The following LRCH1 variants were observed in gnomAD, a reference collection of about 807,000 sequenced individuals.
The protein encoded by LRCH1 is leucine rich repeats and calponin homology domain containing 1, also known as leucine-rich repeat and calponin homology domain-containing protein 1.
A neutral mutation model predicts 94.9 loss-of-function variants in LRCH1; 23 were observed. The ratio of observed to expected loss-of-function variants is 0.24; its 90% CI spans 0.17 to 0.34. The LOEUF is 0.34. LRCH1 is among the 10% of genes least tolerant of loss of function. The pLI, the probability that LRCH1 is intolerant of heterozygous loss-of-function variation, is 1.00. For synonymous variants in LRCH1, 364 were observed against 354.9 expected (o/e 1.03, Z -0.29); for missense variants, 790 against 945.9 (o/e 0.84, Z 2.16).
At chr13:46,581,574 C>T (rs529113223) in intron 1 of LRCH1, among the ~76,000 whole-genome samples, 1 of 152,336 alleles carries the variant, frequency 6.6e-6, no homozygotes, top group African/African-American at 2.4e-5. Flanking sequence ...AGACAAAGGT[C>T]TGACATTCTC....
At chr13:46,578,119 G>A (rs2137934004) in intron 1 of LRCH1, among the ~76,000 whole-genome samples, 1 of 152,310 alleles carries the variant, frequency 6.6e-6, no homozygotes, top group South Asian at 2.1e-4. Context: ...TCTTCCAACA[G>A]TGAGATGCAT....
At chr13:46,712,793 G>GT (rs1872136789) in intron 15 of LRCH1, among the ~76,000 whole-genome samples, 196 bp downstream of exon 15, 2 of 152,196 alleles carry the variant, frequency 1.3e-5, no homozygotes, top group Non-Finnish European at 2.9e-5. Context: ...ATCAGTAGTG[G>GT]ATATTCTATC....
At chr13:46,577,482 T>G (rs1407132205) in intron 1 of LRCH1, among the ~76,000 whole-genome samples, 1 of 152,198 alleles carries the variant, frequency 6.6e-6, no homozygotes, top group Non-Finnish European at 1.5e-5. Flanking sequence ...GCAAAATCCC[T>G]TTGCCATTTA....
chr13:46,574,848 G>C (rs973730784), intron 1 of LRCH1, among the ~76,000 whole-genome samples: 1 of 104,148 alleles, frequency 9.6e-6, no homozygotes, highest in African/African-American at 4.2e-5. Context: ...TTTTTTTTTG[G>C]TGTATGGGCT....
At chr13:46,724,527 T>C (rs1872723755) in intron 17 of LRCH1, among the ~76,000 whole-genome samples, 1 of 152,232 alleles carries the variant, frequency 6.6e-6, no homozygotes, top group Admixed American at 6.5e-5. Context: ...AGCTTAAACT[T>C]GGAGCTGGCA....
chr13:46,652,538 T>C (rs1048267349), intron 2 of LRCH1, among the ~76,000 whole-genome samples: 2 of 152,184 alleles, frequency 1.3e-5, no homozygotes, highest in African/African-American at 2.4e-5. Context: ...ATTTCTAACT[T>C]ATCTGACCAT....
chr13:46,732,492 T>C (rs1462396816), intron 18 of LRCH1, among the ~76,000 whole-genome samples: 1 of 152,206 alleles, frequency 6.6e-6, no homozygotes, highest in Non-Finnish European at 1.5e-5. Context: ...AGAGGGAGAA[T>C]TATTTTTCTG....
At position 46,689,351 on chromosome 13, in the gene LRCH1, G is replaced by A. The variant is rs753298732; in HGVS notation, c.1014+155G>A. Among the ~76,000 whole-genome samples, 41 of 152,136 alleles carry A rather than the reference G, an allele frequency of 2.7e-4. 1 individual carries two copies. Among genetic ancestry groups the A allele is most frequent in the Non-Finnish European group, 5.3e-4 (36 of 67,948 alleles). On this transcript the variant is annotated intron_variant, in intron 7 of 19. Coordinates refer to ENST00000389797, the MANE Select transcript of LRCH1 (RefSeq NM_001164211.2). The stretch of plus-strand genomic sequence containing the variant: ...TATATTCATGTGATTTGAAATCCTC[G>A]AAGTGTTATATAAATATTAGCTGTT...
intron 1 of LRCH1, among the ~76,000 whole-genome samples, chr13:46,619,958 A>G (rs2050861867): frequency 2.0e-5 from 3 of 152,220 alleles, no homozygotes; most frequent in Non-Finnish European, 4.4e-5. Flanking sequence ...TGGATCAAAT[A>G]CATGTTCAGT....
Position 46,664,810 on chromosome 13 carries a change from T to C in LRCH1, c.453-4220T>C, listed in dbSNP as rs190150085. Among the ~76,000 whole-genome samples, 3 of 152,310 alleles carry C rather than the reference T, an allele frequency of 2.0e-5. No homozygotes were observed. In the East Asian group the frequency reaches 5.8e-4, roughly 29 times the overall value. On this transcript the variant is annotated intron_variant, in intron 2 of 19. Coordinates refer to ENST00000389797, the MANE Select transcript of LRCH1 (RefSeq NM_001164211.2). The stretch of plus-strand genomic sequence containing the variant: ...TGTTAGGTAGGTCTTATTGTCTCTG[T>C]TTTATAGCTGAGAAAACCAGAGAGA...
intron 1 of LRCH1, among the ~76,000 whole-genome samples, chr13:46,606,600 C>T (rs755846936): frequency 6.6e-5 from 10 of 152,270 alleles, no homozygotes; most frequent in South Asian, 4.1e-4. Context: ...GGGACAGGGT[C>T]TCACTCTGTC....
At chr13:46,657,334 C>G (rs2051381695) in intron 2 of LRCH1, among the ~76,000 whole-genome samples, 1 of 150,982 alleles carries the variant, frequency 6.6e-6, no homozygotes, top group African/African-American at 2.4e-5. Flanking sequence ...TATATATCCT[C>G]TAAGAACACT....
intron 15 of LRCH1, 81 bp from the exon 16 acceptor site, chr13:46,715,479 T>G: frequency 1.4e-6 from 1 of 737,054 alleles, no homozygotes; most frequent in Non-Finnish European, 2.4e-6. Context: ...CCCTATGCCA[T>G]TTGTGAAATG....
intron 1 of LRCH1, among the ~76,000 whole-genome samples, chr13:46,563,155 AC>A (rs2050147352): frequency 1.3e-5 from 2 of 152,198 alleles, no homozygotes; most frequent in Admixed American, 6.5e-5. Context: ...CAAATGAAAA[AC>A]TAATCAATAT....
At chr13:46,673,043 A>G (rs749793299) in intron 3 of LRCH1, among the ~76,000 whole-genome samples, 3 of 152,256 alleles carry the variant, frequency 2.0e-5, no homozygotes, top group African/African-American at 7.2e-5. Flanking sequence ...AATTAATTGT[A>G]ATAATATTTA....
intron 18 of LRCH1, among the ~76,000 whole-genome samples, chr13:46,731,853 C>T (rs1476807018): frequency 1.3e-5 from 2 of 152,176 alleles, no homozygotes; most frequent in Non-Finnish European, 2.9e-5. Flanking sequence ...CACTAGCTCC[C>T]TTTCCTTCTC....
downstream of LRCH1, among the ~76,000 whole-genome samples, chr13:46,745,207 C>T (rs1873861756): frequency 2.0e-5 from 3 of 152,002 alleles, no homozygotes; most frequent in Admixed American, 2.0e-4. Context: ...CAGCCTTAGA[C>T]AATACATCAA....
At chr13:46,618,461 A>G (rs1305061492) in intron 1 of LRCH1, among the ~76,000 whole-genome samples, 3 of 152,206 alleles carry the variant, frequency 2.0e-5, no homozygotes, top group Non-Finnish European at 4.4e-5. Context: ...TTTAATTTTA[A>G]GTTAACCCTG....
At chr13:46,681,076 C>T (rs2051744251) in intron 3 of LRCH1, among the ~76,000 whole-genome samples, 1 of 152,136 alleles carries the variant, frequency 6.6e-6, no homozygotes, top group African/African-American at 2.4e-5. Flanking sequence ...GAGGGGATTC[C>T]AATCAAGGCT....
Sources: allele counts gnomAD v4.1 joint callset (sites outside exome capture counted in the v4.1 genomes callset), GRCh38; gene constraint gnomAD v4.1.1; transcripts MANE v1.5; gene names NCBI Gene and HGNC (gene_info 2026-07-23, HGNC 2026-07-21).